LRRTM4: variants seen among roughly 807,000 people sequenced by gnomAD.
LRRTM4 encodes leucine rich repeat transmembrane neuronal 4.
LRRTM4 carries 25 observed loss-of-function variants against 47.6 expected under a neutral mutation model. The ratio of observed to expected loss-of-function variants is 0.53; its 90% confidence interval spans 0.38 to 0.73. LRRTM4 has a LOEUF of 0.73. Ranked by LOEUF, LRRTM4 falls within the 30% of genes least tolerant of loss-of-function variation. The pLI, the probability that LRRTM4 is intolerant of heterozygous loss-of-function variation, is 0.00. For synonymous variants in LRRTM4, 311 were observed against 269.5 expected (o/e 1.15, Z -1.51); for missense variants, 638 against 713.4 (o/e 0.89, Z 1.20).
chr2:76,854,063 G>A (rs1269749967), intron 3 of LRRTM4, among the ~76,000 whole-genome samples: 3 of 152,056 alleles, frequency 2.0e-5, no homozygotes, highest in African/African-American at 7.2e-5. Flanking sequence ...CTCTGAGTTG[G>A]CAATCTTACA....
chr2:76,839,548 C>A (rs1184976906), intron 3 of LRRTM4, among the ~76,000 whole-genome samples: 1 of 152,026 alleles, frequency 6.6e-6, no homozygotes, highest in East Asian at 1.9e-4. Context: ...GCATATCAAG[C>A]CAACCTGCTA....
intron 3 of LRRTM4, among the ~76,000 whole-genome samples, chr2:76,752,427 T>A (rs1023778363): frequency 3.3e-5 from 5 of 152,198 alleles, no homozygotes; most frequent in Admixed American, 2.6e-4. Flanking sequence ...GTTTTGCTAT[T>A]ACAATTGCAG....
At chr2:77,321,552 A>AAG (rs1553428204) in intron 3 of LRRTM4, among the ~76,000 whole-genome samples, 3 of 21,202 alleles carry the variant, frequency 1.4e-4, no homozygotes, top group African/African-American at 2.3e-4. Context: ...TAAATCGGGG[A>AAG]GGGGGGGGGG....
chr2:77,099,888 CTT>C lies in LRRTM4; in HGVS notation c.1552-350974_1552-350973del, dbSNP rs3841857. Among the ~76,000 whole-genome samples, 980 of 152,144 alleles carry C rather than the reference CTT, an allele frequency of 6.4e-3. 30 individuals are homozygous for C. Among genetic ancestry groups the C allele is most frequent in the Admixed American group, 0.043 (663 of 15,266 alleles). ...AATAATAATATATTATTCACTGTCACTTATGTATTTTTTGTGAGTGTGGAGTG... is the reference window on the plus strand; with the variant it reads ...AATAATAATATATTATTCACTGTCACATGTATTTTTTGTGAGTGTGGAGTG... On this transcript the variant is annotated intron_variant, in intron 3 of 3. Coordinates refer to ENST00000409884, the MANE Select transcript of LRRTM4 (RefSeq NM_001134745.3).
intron 3 of LRRTM4, among the ~76,000 whole-genome samples, chr2:77,279,983 A>G (rs529910534): frequency 6.6e-6 from 1 of 152,172 alleles, no homozygotes; most frequent in South Asian, 2.1e-4. Context: ...GAAGATGTCC[A>G]TACCTAATCT....
At chr2:77,033,305 ATAG>A (rs938925752) in intron 3 of LRRTM4, among the ~76,000 whole-genome samples, 1 of 150,856 alleles carries the variant, frequency 6.6e-6, no homozygotes, top group East Asian at 2.0e-4. Flanking sequence ...GAAGACATTT[ATAG>A]CTCACTAAAT....
chr2:76,998,282 C>T (rs533668713), intron 3 of LRRTM4, among the ~76,000 whole-genome samples: 79 of 152,060 alleles, frequency 5.2e-4, no homozygotes, highest in Admixed American at 1.1e-3. Flanking sequence ...CAGTTTAATC[C>T]TTCCTATTTC....
chr2:76,920,539 G>C (rs1365158419), intron 3 of LRRTM4, among the ~76,000 whole-genome samples: 1 of 152,082 alleles, frequency 6.6e-6, no homozygotes, highest in Non-Finnish European at 1.5e-5. Context: ...TTTCATACCT[G>C]TCACACTAGG....
chr2:77,431,524 A>G (rs770817767), intron 3 of LRRTM4, among the ~76,000 whole-genome samples: 40 of 148,972 alleles, frequency 2.7e-4, no homozygotes, highest in Non-Finnish European at 4.6e-4. Flanking sequence ...TGCAAAATGC[A>G]TCCACTCCAT....
intron 3 of LRRTM4, among the ~76,000 whole-genome samples, chr2:76,830,333 A>C (rs1205563094): frequency 6.6e-6 from 1 of 152,024 alleles, no homozygotes; most frequent in African/African-American, 2.4e-5. Flanking sequence ...TTTTCTTTAA[A>C]TATCTACACT....
intron 3 of LRRTM4, among the ~76,000 whole-genome samples, chr2:76,934,302 T>G (rs76676942): frequency 0.058 from 8,844 of 152,190 alleles, 601 homozygotes; most frequent in African/African-American, 0.15. Flanking sequence ...TAAAAGGCAA[T>G]TGTTTAGTGA....
At chr2:77,370,494 C>T (rs981422791) in intron 3 of LRRTM4, among the ~76,000 whole-genome samples, 10 of 151,466 alleles carry the variant, frequency 6.6e-5, no homozygotes, top group African/African-American at 2.4e-4. Context: ...TCAGTGGCTT[C>T]ACTCATTTTC....
intron 3 of LRRTM4, among the ~76,000 whole-genome samples, chr2:77,033,796 A>G (rs531926128): frequency 1.3e-4 from 20 of 151,910 alleles, no homozygotes; most frequent in Middle Eastern, 6.8e-3. Context: ...AAATTTAATA[A>G]TGTCTTATTA....
At chr2:77,398,768 T>G (rs1283849204) in intron 3 of LRRTM4, among the ~76,000 whole-genome samples, 1 of 151,844 alleles carries the variant, frequency 6.6e-6, no homozygotes, top group African/African-American at 2.4e-5. Flanking sequence ...AAACATACCC[T>G]GATAATGACC....
chr2:76,789,573 A>C (rs1365640857), intron 3 of LRRTM4, among the ~76,000 whole-genome samples: 1 of 152,130 alleles, frequency 6.6e-6, no homozygotes, highest in Admixed American at 6.5e-5. Context: ...TTTTTATAAT[A>C]GGTTGTATTT....
intron 3 of LRRTM4, among the ~76,000 whole-genome samples, chr2:77,225,984 A>T (rs946992664): frequency 1.3e-5 from 2 of 151,934 alleles, no homozygotes; most frequent in African/African-American, 4.8e-5. Flanking sequence ...TAGTAAAAAT[A>T]AAGAACGTAA....
At chr2:77,521,258 A>T (rs570412857) in intron 2 of LRRTM4, among the ~76,000 whole-genome samples, 3 of 152,006 alleles carry the variant, frequency 2.0e-5, no homozygotes, top group Non-Finnish European at 4.4e-5. Flanking sequence ...GCAACCTCTG[A>T]TAAAGTAAGG....
At chr2:77,495,223 C>G (rs960878291) in intron 3 of LRRTM4, among the ~76,000 whole-genome samples, 5 of 152,022 alleles carry the variant, frequency 3.3e-5, no homozygotes, top group Non-Finnish European at 5.9e-5. Context: ...TGCCAAATGG[C>G]TTTCCAAAAT....
At chr2:77,349,982 C>T (rs934992498) in intron 3 of LRRTM4, among the ~76,000 whole-genome samples, 2 of 152,116 alleles carry the variant, frequency 1.3e-5, no homozygotes, top group African/African-American at 4.8e-5. Context: ...GGAAATTTAA[C>T]TTCAGGAACT....
Sources: gnomAD v4.1 joint callset for allele counts (sites outside exome capture counted in the v4.1 genomes callset) on GRCh38, gnomAD v4.1.1 for gene constraint, MANE v1.5 for transcripts, NCBI Gene and HGNC (gene_info 2026-07-23, HGNC 2026-07-21) for gene names.